The following NBPF15 variants were observed in gnomAD, a reference collection of about 807,000 sequenced individuals.
The protein encoded by NBPF15 is NBPF member 15.
In NBPF15, 74 loss-of-function variants were observed where a neutral mutation model predicts 62.2. The observed-to-expected ratio is 1.19, with a 90% confidence interval of 0.99 to 1.44. The LOEUF is 1.44. Ranked by LOEUF, NBPF15 falls within the 40% of genes most tolerant of loss-of-function variation. The pLI is 0.00. For synonymous variants in NBPF15, 244 were observed against 209.7 expected (o/e 1.16, Z -1.41); for missense variants, 790 against 550.0 (o/e 1.44, Z -4.36).
At chr1:144,461,039 C>T (rs1652512659) in intron 1 of NBPF15, 78 bp from the exon 2 acceptor site, 1 of 150,790 alleles carries the variant, frequency 6.6e-6, no homozygotes, top group Non-Finnish European at 1.5e-5. Flanking sequence ...CGAGTGGTCT[C>T]GCTTCTCAGG....
At chr1:144,442,038 A>G (rs1357766623) in intron 6 of NBPF15, among the ~76,000 whole-genome samples, 1 of 145,428 alleles carries the variant, frequency 6.9e-6, no homozygotes, top group African/African-American at 2.6e-5. Flanking sequence ...GAGGGATAGC[A>G]TTAGGATATA....
At position 144,435,012 on chromosome 1, in the gene NBPF15, T is replaced by G; in HGVS notation, c.772+99A>C. 3 of 1,607,138 alleles carry G rather than the reference T, an allele frequency of 1.9e-6. 1 individual carries two copies. The highest frequency in any genetic ancestry group is 2.6e-6 in the Non-Finnish European group (3 of 1,175,978). ...ATATCTGTTTAGAAACCCATCACAG[T>G]TTTTTATTCAAATGAATTTGTGTTG... On this transcript the variant is annotated intron_variant, in intron 12 of 21. Coordinates refer to ENST00000581897, the MANE Select transcript of NBPF15 (RefSeq NM_001385408.1).
At chr1:144,427,686 A>G (rs1670757854) in intron 16 of NBPF15, 132 bp downstream of exon 16, 4 of 627,834 alleles carry the variant, frequency 6.4e-6, no homozygotes, top group Admixed American at 2.7e-5. Context: ...GTTTCATTCA[A>G]CCTACATGTG....
In NBPF15 at chr1:144,456,727, C is replaced by T. The variant is rs1396087882; in HGVS notation, c.-622G>A. The T allele has an allele frequency of 2.1e-4, 220 of 1,071,670 alleles. No homozygotes were observed. Among genetic ancestry groups the T allele is most frequent in the East Asian group, 9.8e-4 (22 of 22,422 alleles). The allele number at this position is 1,071,670 out of a possible 1,614,324, so 66.4% of individuals were successfully genotyped here. A position where few individuals can be genotyped will look rare whatever the true frequency, so the allele number is the denominator to read the frequency against. ...AAGCTCCAGGACACCCTCAGGAGGA[C>T]GGTAAGGGACGGTAAGGTGAGAGCC... On this transcript the variant is annotated 5_prime_UTR_variant, in exon 4 of 22. Coordinates refer to ENST00000581897, the MANE Select transcript of NBPF15 (RefSeq NM_001385408.1).
chr1:144,446,261 G>C (rs587697186), intron 6 of NBPF15, among the ~76,000 whole-genome samples: 1 of 148,822 alleles, frequency 6.7e-6, no homozygotes, highest in South Asian at 2.1e-4. Flanking sequence ...AAATACAAAA[G>C]ACCACTTATA....
At chr1:144,451,008 G>C (rs1690731993) in intron 4 of NBPF15, 138 bp from the exon 5 acceptor site, 1 of 152,180 alleles carries the variant, frequency 6.6e-6, no homozygotes, top group Admixed American at 6.6e-5. Flanking sequence ...ATGGGCCCAG[G>C]GGACCGGCGT....
intron 9 of NBPF15, 135 bp from the exon 10 acceptor site, chr1:144,437,244 G>A: frequency 5.6e-6 from 5 of 900,306 alleles, no homozygotes; most frequent in South Asian, 1.3e-5. Context: ...TTAAAGGAAT[G>A]TCTGTGGCCA....
At chr1:144,451,003 C>A (rs1455274721) in intron 4 of NBPF15, 133 bp from the exon 5 acceptor site, 1 of 152,138 alleles carries the variant, frequency 6.6e-6, no homozygotes, top group Admixed American at 6.6e-5. Context: ...GAAAAATGGG[C>A]CCAGGGGACC....
At chr1:144,447,953 C>T (rs1322128342) in intron 6 of NBPF15, among the ~76,000 whole-genome samples, 19 of 152,046 alleles carry the variant, frequency 1.2e-4, no homozygotes, top group Admixed American at 1.2e-3. Flanking sequence ...CGCACGGCTC[C>T]AGAGTCAGGG....
chr1:144,435,380 G>T, intron 11 of NBPF15, 64 bp from the exon 12 acceptor site: 9 of 1,372,404 alleles, frequency 6.6e-6, no homozygotes, highest in Non-Finnish European at 9.3e-6. Context: ...ACCCCAGGGA[G>T]TCCTAGCTGG....
At chr1:144,448,452 T>C (rs587685249) in intron 6 of NBPF15, among the ~76,000 whole-genome samples, 2 of 152,160 alleles carry the variant, frequency 1.3e-5, no homozygotes, top group East Asian at 3.9e-4. Flanking sequence ...GCTCATTTTC[T>C]ATGTACATAA....
chr1:144,435,028 AT>A (rs1193153687), intron 12 of NBPF15, 82 bp downstream of exon 12: 1 of 1,610,390 alleles, frequency 6.2e-7, no homozygotes, highest in Non-Finnish European at 8.5e-7. Context: ...ATTCAAATGA[AT>A]TTGTGTTGAT....
rs1261845491 is a variant in NBPF15 at position 144,424,585 on chromosome 1, C to G, written c.1663+105G>C. 7 of 655,836 alleles carry G rather than the reference C, an allele frequency of 1.1e-5. No homozygotes were observed. In the Admixed American group the frequency reaches 1.9e-4, roughly 17 times the overall value. The allele number at this position is 655,836 out of a possible 1,614,324, so 40.6% of individuals were successfully genotyped here. A position where few individuals can be genotyped will look rare whatever the true frequency, so the allele number is the denominator to read the frequency against. On this transcript the variant is annotated intron_variant, in intron 20 of 21. Transcript: ENST00000581897. ...TACATGTGCCTATAGGTCCTCACTGCGGCAATGACATCTCTCAGCTCAGTA... is the reference window on the plus strand; with the variant it reads ...TACATGTGCCTATAGGTCCTCACTGGGGCAATGACATCTCTCAGCTCAGTA...
At chr1:144,425,121 G>C (rs1553539054) in intron 19 of NBPF15, among the ~76,000 whole-genome samples, 5 of 144,290 alleles carry the variant, frequency 3.5e-5, no homozygotes, top group East Asian at 2.2e-4. Flanking sequence ...CACACACAGA[G>C]AGAGAGAACG....
intron 21 of NBPF15, 83 bp downstream of exon 21, chr1:144,423,787 C>T (rs1488867372): frequency 4.1e-6 from 3 of 724,042 alleles, no homozygotes; most frequent in South Asian, 1.5e-5. Flanking sequence ...GAAAACATGA[C>T]ATCAAACACA....
chr1:144,427,899 G>T lies in NBPF15; in HGVS notation c.1132C>A (p.Leu378Met). 3.1e-6 allele frequency: 2 copies of T among 655,660 alleles called. No individual in the cohort carries two copies. Among genetic ancestry groups the T allele is most frequent in the South Asian group, 1.8e-5 (1 of 54,594 alleles). 40.6% of individuals were successfully genotyped at this position (655,660 alleles called of 1,614,324 possible). A position where few individuals can be genotyped will look rare whatever the true frequency, so the allele number is the denominator to read the frequency against. Residue 378 changes from leucine to methionine, a missense_variant, in exon 16 of 22, where the codon CTG (leucine) becomes ATG (methionine). Leu to Met is a conservative substitution (Grantham distance 15, BLOSUM62 2). Coordinates refer to ENST00000581897, the MANE Select transcript of NBPF15 (RefSeq NM_001385408.1). ...CYSTPSGCLE[L>M]TDSCQPYRSA... ...CTGTAGGGCTGGCATGAGTCAGTCAGTTCAAGACAACCTGAAGGAGTTGAA... is the reference window on the plus strand; with the variant it reads ...CTGTAGGGCTGGCATGAGTCAGTCATTTCAAGACAACCTGAAGGAGTTGAA...
chr1:144,442,399 T>C (rs1684153797), intron 6 of NBPF15, among the ~76,000 whole-genome samples: 1 of 141,070 alleles, frequency 7.1e-6, no homozygotes, highest in East Asian at 2.0e-4. Flanking sequence ...ACAATATATA[T>C]AACACGTGTG....
At chr1:144,447,864 G>A (rs1344669245) in intron 6 of NBPF15, among the ~76,000 whole-genome samples, 1 of 152,034 alleles carries the variant, frequency 6.6e-6, no homozygotes, top group Non-Finnish European at 1.5e-5. Flanking sequence ...CTCAATTATG[G>A]GTTGAAGAGT....
At chr1:144,455,412 C>T (rs1314414711) in intron 4 of NBPF15, among the ~76,000 whole-genome samples, 1 of 152,044 alleles carries the variant, frequency 6.6e-6, no homozygotes, top group African/African-American at 2.4e-5. Context: ...AGATGCACTA[C>T]TGTAAAACTA....
Sources: gnomAD v4.1 joint callset for allele counts (sites outside exome capture counted in the v4.1 genomes callset) on GRCh38, gnomAD v4.1.1 for gene constraint, MANE v1.5 for transcripts, NCBI Gene and HGNC (gene_info 2026-07-23, HGNC 2026-07-21) for gene names.